SPATA17: variants seen among roughly 807,000 people sequenced by gnomAD.
The protein encoded by SPATA17 is spermatogenesis-associated protein 17.
SPATA17 carries 53 observed loss-of-function variants against 62.2 expected under a neutral mutation model. The ratio of observed to expected loss-of-function variants is 0.85; its 90% CI spans 0.68 to 1.07. The LOEUF is 1.07. SPATA17 is among the 50% of genes least tolerant of loss of function. SPATA17 has a pLI of 0.00. For synonymous variants in SPATA17, 146 were observed against 146.8 expected (o/e 0.99, Z 0.04); for missense variants, 466 against 425.5 (o/e 1.10, Z -0.84).
intron 9 of SPATA17, among the ~76,000 whole-genome samples, chr1:217,835,956 C>T (rs1675251804): frequency 1.3e-5 from 2 of 152,086 alleles, no homozygotes; most frequent in Non-Finnish European, 2.9e-5. Context: ...CAGAGCGATT[C>T]AGCTCACTGG....
At chr1:217,767,883 C>T (rs1383829723) in intron 6 of SPATA17, among the ~76,000 whole-genome samples, 1 of 152,172 alleles carries the variant, frequency 6.6e-6, no homozygotes, top group African/African-American at 2.4e-5. Context: ...TGTGTTTCCA[C>T]AGAGGCTGCA....
At chr1:217,843,343 A>G (rs1181150916) in intron 9 of SPATA17, among the ~76,000 whole-genome samples, 1 of 151,994 alleles carries the variant, frequency 6.6e-6, no homozygotes, top group East Asian at 1.9e-4. Flanking sequence ...TTGTCCAAGC[A>G]CGGTGGCTCA....
chr1:217,805,740 G>A (rs750865122), intron 9 of SPATA17, among the ~76,000 whole-genome samples: 1 of 152,062 alleles, frequency 6.6e-6, no homozygotes, highest in Non-Finnish European at 1.5e-5. Context: ...AACCACAATG[G>A]CATATAACCT....
chr1:217,817,905 T>TGTATCTCTGCATGCTGATTGTCCTCTTA (rs1674762732), intron 9 of SPATA17, among the ~76,000 whole-genome samples: 1 of 152,052 alleles, frequency 6.6e-6, no homozygotes, highest in Non-Finnish European at 1.5e-5. Flanking sequence ...CAGCTTCCCA[T>TGTATCTCTGCATGCTGATTGTCCTCTTA]GTATCTCTGC....
rs1671056051 is a variant in SPATA17 at position 217,680,554 on chromosome 1, T to G, written c.292-2704T>G. ...TAAAGAATTGATCTGGCAAATAAGATCACTTGAGAAGTATTTTGAAAGACA... is the reference window on the plus strand; with the variant it reads ...TAAAGAATTGATCTGGCAAATAAGAGCACTTGAGAAGTATTTTGAAAGACA... On this transcript the variant is annotated intron_variant, in intron 4 of 10. Transcript: ENST00000366933. 2.0e-5 allele frequency among the ~76,000 whole-genome samples: 3 copies of G among 152,176 alleles called. No individual in the cohort carries two copies. The South Asian group carries it at 6.2e-4, about 32-fold the overall frequency.
intron 3 of SPATA17, among the ~76,000 whole-genome samples, chr1:217,662,917 G>T (rs1670601596): frequency 1.3e-5 from 2 of 152,010 alleles, no homozygotes; most frequent in African/African-American, 4.8e-5. Context: ...TGTAATACCA[G>T]AAAACTGAAA....
chr1:217,794,024 G>C (rs1031137647), intron 8 of SPATA17, among the ~76,000 whole-genome samples: 1 of 151,398 alleles, frequency 6.6e-6, no homozygotes, highest in Non-Finnish European at 1.5e-5. Flanking sequence ...GGTAAGGCAG[G>C]AGAATGGCGT....
chr1:217,770,978 A>ATTT lies in SPATA17; in HGVS notation c.520-3328_520-3326dup, dbSNP rs374042087. On this transcript the variant is annotated intron_variant, in intron 6 of 10. Transcript: ENST00000366933. Reference sequence around the variant, plus strand: ...ATGTATCTATTATATAACTCATTGCATTTTTTTTTTTTTTTTTTTTTTTTT... The same window carrying ATTT: ...ATGTATCTATTATATAACTCATTGCATTTTTTTTTTTTTTTTTTTTTTTTTTTT... Among the ~76,000 whole-genome samples, 57 of 50,160 alleles carry ATTT rather than the reference A, an allele frequency of 1.1e-3. 7 individuals carry two copies. The highest frequency in any genetic ancestry group is 4.0e-3 in the African/African-American group (46 of 11,568). 32.9% of individuals were successfully genotyped at this position (50,160 alleles called of 152,430 possible).
rs563965520 is a variant in SPATA17, at chr1:217,782,466, T to C, written c.872+144T>C. ...CTGACCTGTTCCAAAGCAATAATTT[T>C]TCAGCATGCAAATGATTTAAATGAG... On this transcript the variant is annotated intron_variant, in intron 8 of 10. Coordinates refer to ENST00000366933, the MANE Select transcript of SPATA17 (RefSeq NM_138796.4). 6 of 899,420 alleles carry C rather than the reference T, an allele frequency of 6.7e-6. No individual in the cohort carries two copies. In the African/African-American group the frequency reaches 8.6e-5, roughly 13 times the overall value. 55.7% of individuals were successfully genotyped at this position (899,420 alleles called of 1,614,324 possible).
At chr1:217,803,325 T>A (rs1050339612) in intron 9 of SPATA17, among the ~76,000 whole-genome samples, 1 of 152,166 alleles carries the variant, frequency 6.6e-6, no homozygotes, top group African/African-American at 2.4e-5. Flanking sequence ...GACATAAAAT[T>A]GTTTGCAAAT....
intron 5 of SPATA17, among the ~76,000 whole-genome samples, chr1:217,729,144 A>G (rs1352259719): frequency 2.0e-5 from 3 of 152,226 alleles, no homozygotes; most frequent in East Asian, 3.8e-4. Flanking sequence ...GCCTACATGA[A>G]TTATTTCTCT....
intron 9 of SPATA17, among the ~76,000 whole-genome samples, chr1:217,825,893 T>C (rs537747177): frequency 6.6e-6 from 1 of 152,272 alleles, no homozygotes; most frequent in South Asian, 2.1e-4. Context: ...TGTAGTCTTC[T>C]TCATGTAGAT....
At chr1:217,810,742 G>A (rs1674565727) in intron 9 of SPATA17, among the ~76,000 whole-genome samples, 1 of 152,166 alleles carries the variant, frequency 6.6e-6, no homozygotes, top group South Asian at 2.1e-4. Context: ...AATCATGGCA[G>A]ATGGTAGAAG....
intron 3 of SPATA17, among the ~76,000 whole-genome samples, chr1:217,666,525 TG>T (rs1415660570): frequency 1.3e-5 from 2 of 151,824 alleles, no homozygotes; most frequent in Admixed American, 6.6e-5. Flanking sequence ...CATTTACATG[TG>T]TTTTTTTTTT....
At chr1:217,654,230 C>T (rs1670383816) in intron 3 of SPATA17, among the ~76,000 whole-genome samples, 1 of 151,694 alleles carries the variant, frequency 6.6e-6, no homozygotes, top group Admixed American at 6.6e-5. Context: ...CTCTGCCTCC[C>T]TGATTCAAAC....
At chr1:217,636,655 C>T (rs1451357554) in intron 1 of SPATA17, among the ~76,000 whole-genome samples, 1 of 152,146 alleles carries the variant, frequency 6.6e-6, no homozygotes, top group Non-Finnish European at 1.5e-5. Context: ...AACTCCTGGG[C>T]TCAAGCCATC....
At chr1:217,822,109 T>G (rs1385878590) in intron 9 of SPATA17, among the ~76,000 whole-genome samples, 1 of 152,110 alleles carries the variant, frequency 6.6e-6, no homozygotes, top group Middle Eastern at 3.2e-3. Flanking sequence ...TGAGAAACCC[T>G]GGGTTAATGA....
At chr1:217,675,118 G>T (rs1294042333) in intron 4 of SPATA17, among the ~76,000 whole-genome samples, 3 of 152,130 alleles carry the variant, frequency 2.0e-5, no homozygotes, top group African/African-American at 4.8e-5. Flanking sequence ...CAAGGCATTT[G>T]TCTGACTCCT....
chr1:217,746,042 A>G (rs1672741039), intron 6 of SPATA17, among the ~76,000 whole-genome samples: 3 of 151,990 alleles, frequency 2.0e-5, no homozygotes, highest in African/African-American at 7.2e-5. Context: ...TTCTTTACTT[A>G]GTTGTTTACA....
Sources: gnomAD v4.1 joint callset for allele counts (sites outside exome capture counted in the v4.1 genomes callset) on GRCh38, gnomAD v4.1.1 for gene constraint, MANE v1.5 for transcripts, NCBI Gene and HGNC (gene_info 2026-07-23, HGNC 2026-07-21) for gene names.